GRIN2B: variants seen among roughly 807,000 people sequenced by gnomAD.
GRIN2B encodes the protein glutamate ionotropic receptor NMDA type subunit 2B.
Under a neutral mutation model 114.5 loss-of-function variants are expected in GRIN2B, and 5 were observed. The observed-to-expected ratio is 0.04, with a 90% confidence interval of 0.02 to 0.09. The LOEUF (loss-of-function observed/expected upper bound fraction) is 0.09, where lower values mean the gene tolerates loss of function less well. GRIN2B is among the 10% of genes least tolerant of loss of function. The pLI is 1.00. For synonymous variants in GRIN2B, 787 were observed against 745.1 expected, an observed-to-expected ratio of 1.06 and a Z score of -0.92; for missense variants, 1,108 against 1,943.5, an observed-to-expected ratio of 0.57 and a Z score of 8.08.
At chr12:13,567,391 AAAAG>A (rs1948655371) in intron 12 of GRIN2B, 128 bp from the exon 13 acceptor site, 1 of 677,814 alleles carries the variant, frequency 1.5e-6, no homozygotes, top group South Asian at 1.7e-5. Flanking sequence ...CAAGGAGACA[AAAAG>A]AAAGGAAATG....
chr12:13,731,816 T>C (rs1431053147), intron 4 of GRIN2B, among the ~76,000 whole-genome samples: 1 of 151,870 alleles, frequency 6.6e-6, no homozygotes, highest in African/African-American at 2.4e-5. Context: ...CATCTTGATT[T>C]ACTCTTTCCC....
intron 3 of GRIN2B, among the ~76,000 whole-genome samples, chr12:13,822,844 C>A (rs1864964501): frequency 6.6e-6 from 1 of 152,000 alleles, no homozygotes; most frequent in Non-Finnish European, 1.5e-5. Context: ...TAAATGACAC[C>A]CAATCCTAGT....
Position 13,608,774 on chromosome 12 carries a change from C to T in GRIN2B, c.1839G>A (p.Val613=). The stretch of plus-strand genomic sequence containing the variant: ...TCTGCACAGGTACGGAGTTGTTAAA[C>T]ACCAGACCCCAGAGCAACCAAATAG... ...GKAIWLLWGL[V]FNNSVPVQNP... The change falls in exon 10 of 14, where the codon GTG becomes GTA. Residue 613 remains valine (V), a synonymous_variant. Transcript: ENST00000609686. 1 of 1,614,100 alleles carries T rather than the reference C, an allele frequency of 6.2e-7. No homozygotes were observed. The highest frequency in any genetic ancestry group is 1.1e-5 in the South Asian group (1 of 91,078).
chr12:13,885,461 C>G (rs759131525), intron 2 of GRIN2B, among the ~76,000 whole-genome samples: 4 of 152,042 alleles, frequency 2.6e-5, no homozygotes, highest in Non-Finnish European at 5.9e-5. Flanking sequence ...TAAGAGGAAC[C>G]TTTTCTCCCC....
At chr12:13,943,727 C>T (rs1233362188) in intron 2 of GRIN2B, among the ~76,000 whole-genome samples, 1 of 152,210 alleles carries the variant, frequency 6.6e-6, no homozygotes, top group Non-Finnish European at 1.5e-5. Context: ...CTCAATGTCA[C>T]CTTATCCAAA....
At chr12:13,634,839 T>A (rs1949654008) in intron 5 of GRIN2B, among the ~76,000 whole-genome samples, 1 of 152,188 alleles carries the variant, frequency 6.6e-6, no homozygotes, top group South Asian at 2.1e-4. Context: ...CCTGCTATAG[T>A]TAGGATCCTG....
At chr12:13,793,292 A>T (rs939022564) in intron 3 of GRIN2B, among the ~76,000 whole-genome samples, 2 of 152,142 alleles carry the variant, frequency 1.3e-5, no homozygotes, top group Non-Finnish European at 2.9e-5. Flanking sequence ...GTGGTGGTGC[A>T]TACCTATAGT....
intron 2 of GRIN2B, among the ~76,000 whole-genome samples, chr12:13,919,774 T>C (rs1866793027): frequency 6.6e-6 from 1 of 151,888 alleles, no homozygotes; most frequent in Non-Finnish European, 1.5e-5. Context: ...CTGGAAAGGG[T>C]CCATGGCCCT....
In GRIN2B at chr12:13,560,882, C is replaced by T. The variant is rs1948534780; in HGVS notation, c.*1901G>A. 6.6e-6 allele frequency: 1 copy of T among 152,294 alleles called. No individual in the cohort carries two copies. The highest frequency in any genetic ancestry group is 6.5e-5 in the Admixed American group (1 of 15,290). 9.4% of individuals were successfully genotyped at this position (152,294 alleles called of 1,614,324 possible). ...GGGCAAACAGGGGCGAAGAGCAGCC[C>T]TGGAGGGAGTGACTTGAAGAGACAT... is the stretch of plus-strand genomic sequence containing the variant. On this transcript the variant is annotated 3_prime_UTR_variant, in exon 14 of 14. Transcript: ENST00000609686.
chr12:13,751,277 A>C (rs560626734), intron 4 of GRIN2B, among the ~76,000 whole-genome samples: 1 of 152,340 alleles, frequency 6.6e-6, no homozygotes, highest in South Asian at 2.1e-4. Context: ...GACCTCATTA[A>C]AGGAGCAATG....
chr12:13,647,445 A>G (rs1005783931), intron 5 of GRIN2B, among the ~76,000 whole-genome samples: 1 of 152,056 alleles, frequency 6.6e-6, no homozygotes, highest in Non-Finnish European at 1.5e-5. Flanking sequence ...CTTTTCCACA[A>G]TTCTCTTCTC....
At chr12:13,867,331 T>A (rs1197877246) in intron 2 of GRIN2B, among the ~76,000 whole-genome samples, 1 of 152,174 alleles carries the variant, frequency 6.6e-6, no homozygotes, top group Admixed American at 6.5e-5. Context: ...ACTAAGGACA[T>A]AATGCTCTAT....
At chr12:13,795,895 A>G (rs755902150) in intron 3 of GRIN2B, among the ~76,000 whole-genome samples, 77 of 152,070 alleles carry the variant, frequency 5.1e-4, no homozygotes, top group Non-Finnish European at 1.0e-3. Context: ...GAACACGTGG[A>G]CAAAGGGCGG....
rs1863525014 is a variant in GRIN2B, at chr12:13,753,516, C to T, written c.811G>A (p.Ala271Thr). The T allele has an allele frequency of 6.2e-7, 1 of 1,614,180 alleles. No individual in the cohort carries two copies. Among genetic ancestry groups the T allele is most frequent in the Non-Finnish European group, 8.5e-7 (1 of 1,180,024 alleles). Residue 271 changes from alanine (A) to threonine (T), a missense_variant, in exon 4 of 14, where the codon GCG becomes ACG. Physicochemically the swap from Ala to Thr is moderately conservative, Grantham distance 58. Coordinates refer to ENST00000609686, the MANE Select transcript of GRIN2B (RefSeq NM_000834.5). This position sits in a 1 kb window ranked among gnomAD's most constrained non-coding sequence, Gnocchi z 6.2. ...GAGATGAGCCCAGTGGGGAACTCCG[C>T]AGGCACTGTGTCTGTATCCCCTGCC... ...LVAGDTDTVP[A>T]EFPTGLISVS...
Position 13,545,014 on chromosome 12 carries a change from A to T in GRIN2B, c.*17769T>A, listed in dbSNP as rs1342384103. 2.0e-5 allele frequency: 3 copies of T among 152,342 alleles called. No homozygotes were observed. Among genetic ancestry groups the T allele is most frequent in the Admixed American group, 6.5e-5 (1 of 15,276 alleles). The allele number at this position is 152,342 out of a possible 1,614,324, so 9.4% of individuals were successfully genotyped here. ...AAAAGCCAAATCCTGACAGTGTCCT[A>T]CAAGGCCCTACCTGACTTGCGTTAT... On this transcript the variant is annotated 3_prime_UTR_variant, in exon 14 of 14. Coordinates refer to ENST00000609686, the MANE Select transcript of GRIN2B (RefSeq NM_000834.5).
chr12:13,914,256 A>C (rs1314002411), intron 2 of GRIN2B, among the ~76,000 whole-genome samples: 1 of 152,112 alleles, frequency 6.6e-6, no homozygotes, highest in African/African-American at 2.4e-5. Flanking sequence ...CCAAAAAAGC[A>C]CTGAACTCAA....
chr12:13,785,643 G>T (rs1864211840), intron 3 of GRIN2B, among the ~76,000 whole-genome samples: 1 of 152,150 alleles, frequency 6.6e-6, no homozygotes, highest in Non-Finnish European at 1.5e-5. Context: ...TTCATGTAAT[G>T]AAAAGAATGT....
In GRIN2B at chr12:13,552,422, A is replaced by G. The variant is rs559638343; in HGVS notation, c.*10361T>C. ...GCCTCACATGTCAGCTTCTGGCTTTATTGGTGACACAAAAGGAAGCTCCAG... is the reference window on the plus strand; with the variant it reads ...GCCTCACATGTCAGCTTCTGGCTTTGTTGGTGACACAAAAGGAAGCTCCAG... On this transcript the variant is annotated 3_prime_UTR_variant, in exon 14 of 14. Coordinates refer to ENST00000609686, the MANE Select transcript of GRIN2B (RefSeq NM_000834.5). 6.6e-6 allele frequency: 1 copy of G among 152,202 alleles called. No individual in the cohort carries two copies. The highest frequency in any genetic ancestry group is 2.1e-4 in the South Asian group (1 of 4,814). The allele number at this position is 152,202 out of a possible 1,614,324, so 9.4% of individuals were successfully genotyped here. A position where few individuals can be genotyped will look rare whatever the true frequency, so the allele number is the denominator to read the frequency against.
intron 3 of GRIN2B, among the ~76,000 whole-genome samples, chr12:13,865,156 T>C (rs1037728794): frequency 5.9e-5 from 9 of 152,196 alleles, no homozygotes; most frequent in African/African-American, 2.2e-4. Context: ...AGAACACGTA[T>C]TGCCAAAGAA....
Sources: allele counts gnomAD v4.1 joint callset (sites outside exome capture counted in the v4.1 genomes callset), GRCh38; gene constraint gnomAD v4.1.1; non-coding constraint Gnocchi (gnomAD v3.1); transcripts MANE v1.5; gene names NCBI Gene and HGNC (gene_info 2026-07-23, HGNC 2026-07-21).